Variants in CSTPP1 observed in about 807,000 individuals in gnomAD.
CSTPP1 encodes UPF0705 protein C11orf49.
chr11:47,004,705 A>G, the CSTPP1 span, among the ~76,000 whole-genome samples: 2 of 152,114 alleles, frequency 1.3e-5, no homozygotes, highest in Admixed American at 6.5e-5. Flanking sequence ...TTTAAAACTC[A>G]AGGTGTAGTG....
the CSTPP1 span, among the ~76,000 whole-genome samples, chr11:46,998,892 G>T: frequency 6.6e-6 from 1 of 152,118 alleles, no homozygotes; most frequent in African/African-American, 2.4e-5. Context: ...CCCGCCACAT[G>T]CCCGGCTAAT....
At chr11:47,111,544 C>T in the CSTPP1 span, among the ~76,000 whole-genome samples, 1 of 152,190 alleles carries the variant, frequency 6.6e-6, no homozygotes, top group Admixed American at 6.5e-5. Flanking sequence ...CAGCCCTTAG[C>T]CAAGCCCACC....
the CSTPP1 span, among the ~76,000 whole-genome samples, chr11:47,031,167 G>A: frequency 6.6e-6 from 1 of 152,140 alleles, no homozygotes; most frequent in Non-Finnish European, 1.5e-5. Flanking sequence ...ATGTGGAATT[G>A]ACATCATACA....
chr11:47,041,150 C>G, the CSTPP1 span: 19 of 198,804 alleles, frequency 9.6e-5, 4 homozygotes, highest in Admixed American at 5.8e-4. Flanking sequence ...TAAGTGTTCT[C>G]CGTCTGGTTC....
At chr11:47,003,338 A>G in the CSTPP1 span, among the ~76,000 whole-genome samples, 1 of 152,352 alleles carries the variant, frequency 6.6e-6, no homozygotes, top group South Asian at 2.1e-4. Context: ...AAGATCTTTA[A>G]TGAGCTGGCG....
the CSTPP1 span, among the ~76,000 whole-genome samples, chr11:47,118,118 TC>T: frequency 6.6e-6 from 1 of 152,150 alleles, no homozygotes; most frequent in Non-Finnish European, 1.5e-5. Flanking sequence ...GACCTCGTGA[TC>T]CACCTGCCTC....
the CSTPP1 span, among the ~76,000 whole-genome samples, chr11:47,075,816 G>C: frequency 2.6e-5 from 4 of 151,492 alleles, no homozygotes; most frequent in African/African-American, 9.7e-5. Context: ...TACTCAGGAG[G>C]CTGAGGCAGG....
chr11:47,107,934 T>C, the CSTPP1 span, among the ~76,000 whole-genome samples: 1 of 152,228 alleles, frequency 6.6e-6, no homozygotes, highest in Non-Finnish European at 1.5e-5. Context: ...GTGATACTTC[T>C]CTGTGGCCAG....
chr11:47,140,207 T>C, the CSTPP1 span, among the ~76,000 whole-genome samples: 1 of 152,128 alleles, frequency 6.6e-6, no homozygotes, highest in African/African-American at 2.4e-5. Context: ...TCTTTCCTGA[T>C]GGCAACTGGC....
the CSTPP1 span, among the ~76,000 whole-genome samples, chr11:47,089,744 T>A: frequency 6.6e-6 from 1 of 152,192 alleles, no homozygotes; most frequent in African/African-American, 2.4e-5. Flanking sequence ...TCCTGACTTA[T>A]AAATGCATAA....
the CSTPP1 span, among the ~76,000 whole-genome samples, chr11:46,998,191 C>T: frequency 6.6e-6 from 1 of 152,192 alleles, no homozygotes; most frequent in Non-Finnish European, 1.5e-5. Context: ...CCCTTTTCCT[C>T]CCTTTCTTGA....
At chr11:46,985,872 G>A in the CSTPP1 span, among the ~76,000 whole-genome samples, 1 of 152,166 alleles carries the variant, frequency 6.6e-6, no homozygotes, top group African/African-American at 2.4e-5. Flanking sequence ...CACATAACTA[G>A]GAAGTGGCAG....
chr11:47,080,184 G>A, the CSTPP1 span, among the ~76,000 whole-genome samples: 2 of 152,200 alleles, frequency 1.3e-5, no homozygotes, highest in African/African-American at 4.8e-5. Flanking sequence ...GGCCGGGCGC[G>A]GTGGCTCACG....
chr11:47,076,963 G>GA, the CSTPP1 span, among the ~76,000 whole-genome samples: 24 of 129,668 alleles, frequency 1.9e-4, no homozygotes, highest in African/African-American at 6.0e-4. Flanking sequence ...AAAACAGGAG[G>GA]AAAAAAAAAA....
chr11:47,030,850 T>C, the CSTPP1 span, among the ~76,000 whole-genome samples: 2 of 152,186 alleles, frequency 1.3e-5, no homozygotes, highest in African/African-American at 4.8e-5. Flanking sequence ...GAGGACATGA[T>C]CTCATTCTTT....
chr11:47,119,976 T>A, the CSTPP1 span, among the ~76,000 whole-genome samples: 1 of 152,098 alleles, frequency 6.6e-6, no homozygotes, highest in Non-Finnish European at 1.5e-5. Flanking sequence ...TTGCCCCAGA[T>A]CATTTGTCTA....
chr11:47,038,535 A>G, the CSTPP1 span, among the ~76,000 whole-genome samples: 1 of 95,870 alleles, frequency 1.0e-5, no homozygotes, highest in Non-Finnish European at 2.5e-5. Context: ...GCGGCCGGGC[A>G]GAGGCGCCCC....
the CSTPP1 span, among the ~76,000 whole-genome samples, chr11:47,036,903 A>T: frequency 0.019 from 2,318 of 124,590 alleles, 221 homozygotes; most frequent in African/African-American, 0.055. Flanking sequence ...CTGGTCTCGA[A>T]CTCCTGACCT....
At chr11:46,949,963 G>A in the CSTPP1 span, among the ~76,000 whole-genome samples, 1 of 151,942 alleles carries the variant, frequency 6.6e-6, no homozygotes, top group Non-Finnish European at 1.5e-5. Flanking sequence ...ATGAGCCACC[G>A]TGCCCGGCCT....
Sources: gnomAD v4.1 joint callset for allele counts (sites outside exome capture counted in the v4.1 genomes callset) on GRCh38, gnomAD v4.1.1 for gene constraint, MANE v1.5 for transcripts, NCBI Gene and HGNC (gene_info 2026-07-23, HGNC 2026-07-21) for gene names.